The following ITPRID1 variants were observed in gnomAD, a reference collection of about 807,000 sequenced individuals.
ITPRID1 encodes ITPR interacting domain containing 1.
In ITPRID1, 96 loss-of-function variants were observed where a neutral mutation model predicts 95.4. That is an observed-to-expected ratio of 1.01 (90% CI 0.85 to 1.19). The LOEUF is 1.19. Ranked by LOEUF, ITPRID1 falls within the 50% of genes most tolerant of loss-of-function variation. ITPRID1 has a pLI of 0.00. For synonymous variants in ITPRID1, 510 were observed against 453.6 expected (o/e 1.12, Z -1.58); for missense variants, 1,339 against 1,252.9 (o/e 1.07, Z -1.04).
intron 1 of ITPRID1, among the ~76,000 whole-genome samples, chr7:31,538,205 A>T (rs10081279): frequency 0.13 from 20,326 of 151,998 alleles, 1,829 homozygotes; most frequent in Non-Finnish European, 0.19. Context: ...TTAATTGTAC[A>T]TTTTACTTCC....
intron 10 of ITPRID1, 52 bp from the exon 11 acceptor site, chr7:31,642,124 G>T (rs1192542741): frequency 7.3e-7 from 1 of 1,364,726 alleles, no homozygotes; most frequent in African/African-American, 1.4e-5. Flanking sequence ...TCCAAGTCCT[G>T]CTGGCTGCGT....
Position 31,643,143 on chromosome 7 carries a change from C to A in ITPRID1, c.1773C>A (p.Ser591Arg). ...CTGAGGGAGCTGGCAAAGTGCAAAGCCACCACAATGAGTCTCAAAGGTCAC... is the reference window on the plus strand; with the variant it reads ...CTGAGGGAGCTGGCAAAGTGCAAAGACACCACAATGAGTCTCAAAGGTCAC... ...VRPEGAGKVQ[S>R]HHNESQRSPG... The change falls in exon 12 of 15, where the codon AGC becomes AGA. Residue 591 changes from serine (S) to arginine (R), a missense_variant. By Grantham distance (110) the Ser-to-Arg change is moderately radical. Coordinates refer to ENST00000615280, the MANE Select transcript of ITPRID1 (RefSeq NM_001257967.3). 6.2e-7 allele frequency: 1 copy of A among 1,613,932 alleles called. No individual in the cohort carries two copies.
chr7:31,567,056 A>C (rs1259779549), intron 5 of ITPRID1, among the ~76,000 whole-genome samples: 2 of 152,210 alleles, frequency 1.3e-5, no homozygotes, highest in Non-Finnish European at 2.9e-5. Flanking sequence ...GTGTTTTAAA[A>C]CTACGAAGAT....
chr7:31,555,898 T>G (rs952503265), intron 5 of ITPRID1, among the ~76,000 whole-genome samples: 22 of 152,182 alleles, frequency 1.4e-4, no homozygotes, highest in Non-Finnish European at 2.2e-4. Flanking sequence ...CCTTCTTTAT[T>G]TTTTCTAATA....
chr7:31,599,920 G>C (rs1445519952), intron 10 of ITPRID1, among the ~76,000 whole-genome samples: 2 of 151,808 alleles, frequency 1.3e-5, no homozygotes, highest in Non-Finnish European at 2.9e-5. Flanking sequence ...GGATGGTCTG[G>C]ATCTCCTGAC....
At chr7:31,554,326 C>A in intron 3 of ITPRID1, 149 bp from the exon 4 acceptor site, 1 of 1,340,698 alleles carries the variant, frequency 7.5e-7, no homozygotes, top group Non-Finnish European at 9.7e-7. Flanking sequence ...GAGATTTTGC[C>A]TTCAGGAAAA....
chr7:31,545,812 C>A (rs1784079091), intron 1 of ITPRID1, among the ~76,000 whole-genome samples: 1 of 152,030 alleles, frequency 6.6e-6, no homozygotes, highest in Admixed American at 6.6e-5. Context: ...CTCTATTCCC[C>A]AGGATATGCC....
At chr7:31,593,175 C>T (rs1229769734) in intron 10 of ITPRID1, among the ~76,000 whole-genome samples, 1 of 151,916 alleles carries the variant, frequency 6.6e-6, no homozygotes, top group Non-Finnish European at 1.5e-5. Flanking sequence ...CATAGTGGTG[C>T]ATGCTTGTAA....
chr7:31,606,212 G>T (rs931078008), intron 10 of ITPRID1, among the ~76,000 whole-genome samples: 7 of 152,062 alleles, frequency 4.6e-5, no homozygotes, highest in African/African-American at 1.7e-4. Context: ...ACCAGTATTT[G>T]CTCTCTGTTA....
chr7:31,649,400 G>A (rs1260403196), intron 12 of ITPRID1, among the ~76,000 whole-genome samples: 1 of 152,184 alleles, frequency 6.6e-6, no homozygotes, highest in African/African-American at 2.4e-5. Flanking sequence ...AAAACAGCCA[G>A]CCTGCAAGAT....
chr7:31,622,597 C>T (rs1490271197), intron 10 of ITPRID1, among the ~76,000 whole-genome samples: 1 of 151,884 alleles, frequency 6.6e-6, no homozygotes, highest in Non-Finnish European at 1.5e-5. Flanking sequence ...CTCTGGGACA[C>T]ATTCAAAGCA....
At chr7:31,528,844 C>T (rs1053140508) in intron 1 of ITPRID1, among the ~76,000 whole-genome samples, 4 of 152,122 alleles carry the variant, frequency 2.6e-5, no homozygotes, top group Non-Finnish European at 5.9e-5. Context: ...TTGAAATGCA[C>T]AAGATCTTTT....
At chr7:31,639,246 T>G (rs75926307) in intron 10 of ITPRID1, among the ~76,000 whole-genome samples, 3 of 152,050 alleles carry the variant, frequency 2.0e-5, no homozygotes, top group Non-Finnish European at 4.4e-5. Flanking sequence ...ACTTGTCTCA[T>G]CACTTGCTGA....
At chr7:31,598,490 G>A (rs1256803904) in intron 10 of ITPRID1, among the ~76,000 whole-genome samples, 6 of 135,508 alleles carry the variant, frequency 4.4e-5, no homozygotes, top group South Asian at 4.8e-4. Flanking sequence ...TGCAAGCTCC[G>A]CCTCCCGGGT....
chr7:31,625,569 C>T (rs1425169829), intron 10 of ITPRID1, among the ~76,000 whole-genome samples: 1 of 151,388 alleles, frequency 6.6e-6, no homozygotes, highest in African/African-American at 2.4e-5. Context: ...GGGAATTGAA[C>T]AATGGGAACA....
intron 9 of ITPRID1, among the ~76,000 whole-genome samples, chr7:31,579,708 G>A (rs577500344): frequency 1.2e-4 from 18 of 152,186 alleles, no homozygotes; most frequent in Admixed American, 4.6e-4. Context: ...ATCCCACAAA[G>A]ATATAAAAAT....
intron 10 of ITPRID1, among the ~76,000 whole-genome samples, chr7:31,634,876 C>G (rs796316188): frequency 1.9e-4 from 29 of 152,244 alleles, no homozygotes; most frequent in African/African-American, 7.0e-4. Context: ...GTGGCTCCTT[C>G]GGCATATTGA....
intron 5 of ITPRID1, among the ~76,000 whole-genome samples, chr7:31,566,131 C>G (rs1246358541): frequency 6.6e-6 from 1 of 152,168 alleles, no homozygotes; most frequent in African/African-American, 2.4e-5. Flanking sequence ...GCACTAGAAT[C>G]CCTTCAAGAA....
intron 12 of ITPRID1, among the ~76,000 whole-genome samples, chr7:31,647,088 G>A (rs6945379): frequency 0.016 from 2,449 of 152,316 alleles, 57 homozygotes; most frequent in African/African-American, 0.054. Flanking sequence ...GCACACAGGC[G>A]CATGTGCTGG....
Sources: allele counts gnomAD v4.1 joint callset (sites outside exome capture counted in the v4.1 genomes callset), GRCh38; gene constraint gnomAD v4.1.1; transcripts MANE v1.5; gene names NCBI Gene and HGNC (gene_info 2026-07-23, HGNC 2026-07-21).